The following PSD2 variants were observed in gnomAD, a reference collection of about 807,000 sequenced individuals.
PSD2 encodes the protein pleckstrin and Sec7 domain containing 2, also known as PH and SEC7 domain-containing protein 2.
PSD2 carries 38 observed loss-of-function variants against 69.8 expected under a neutral mutation model. That is an observed-to-expected ratio of 0.54 (90% CI 0.42 to 0.71). The LOEUF (loss-of-function observed/expected upper bound fraction) is 0.71. PSD2 is among the 30% of genes least tolerant of loss of function. PSD2 has a pLI of 0.00. For missense variants in PSD2, 943 were observed against 1,014.5 expected (o/e 0.93, Z 0.96); for synonymous variants, 412 against 423.0 (o/e 0.97, Z 0.32).
chr5:139,839,564 C>G lies in PSD2; in HGVS notation c.1969-463C>G, dbSNP rs115891608. ...TCTCCGCCTGTCTTTGGGTGTGATC[C>G]TGGGTCTGCAACCATTACGTGTATC... On this transcript the variant is annotated intron_variant, in intron 13 of 14. Coordinates refer to ENST00000274710, the MANE Select transcript of PSD2 (RefSeq NM_032289.4). The surrounding 1 kb of genome is among the most constrained non-coding windows in gnomAD (Gnocchi z 5.1). Among the ~76,000 whole-genome samples, 1,627 of 152,330 alleles carry G rather than the reference C, an allele frequency of 0.011. 13 individuals carry two copies. The highest frequency in any genetic ancestry group is 0.017 in the Middle Eastern group (5 of 294).
rs535624464 is a variant in PSD2, at chr5:139,844,445, T to C, written c.*1971T>C. ...AAATTTAAAAAAGATGAGATGAAAATAAATCTAAGTCAAAGTTCTAATAGT... is the reference window on the plus strand; with the variant it reads ...AAATTTAAAAAAGATGAGATGAAAACAAATCTAAGTCAAAGTTCTAATAGT... On this transcript the variant is annotated 3_prime_UTR_variant, in exon 15 of 15. Transcript: ENST00000274710. The C allele has an allele frequency of 6.6e-6, 1 of 152,392 alleles. No individual in the cohort carries two copies. The highest frequency in any genetic ancestry group is 1.9e-4 in the East Asian group (1 of 5,188). The allele number at this position is 152,392 out of a possible 1,614,324, so 9.4% of individuals were successfully genotyped here.
chr5:139,834,483 A>C (rs1348260592), intron 8 of PSD2, among the ~76,000 whole-genome samples: 1 of 147,880 alleles, frequency 6.8e-6, no homozygotes, highest in East Asian at 2.0e-4. Context: ...TTTTTTTTAT[A>C]GAGCTGGGGA....
intron 9 of PSD2, among the ~76,000 whole-genome samples, chr5:139,835,991 T>C (rs1239500754): frequency 1.3e-5 from 2 of 152,254 alleles, no homozygotes; most frequent in Admixed American, 6.5e-5. Flanking sequence ...ACAGAATAGA[T>C]TGAACTGTGA....
chr5:139,822,490 G>T (rs1274470122), intron 6 of PSD2, among the ~76,000 whole-genome samples: 1 of 152,230 alleles, frequency 6.6e-6, no homozygotes, highest in African/African-American at 2.4e-5. Context: ...GCCACAGGAG[G>T]CAGGAGTCTG....
rs750993673 is a variant in PSD2 at position 139,822,001 on chromosome 5, G to A, written c.1206G>A (p.Ser402=). 36 of 1,598,646 alleles carry A rather than the reference G, an allele frequency of 2.3e-5. 1 individual carries two copies. Among genetic ancestry groups the A allele is most frequent in the Middle Eastern group, 1.8e-4 (1 of 5,518 alleles). The change falls in exon 6 of 15, where the codon TCG becomes TCA. Residue 402 remains serine, a synonymous_variant. Coordinates refer to ENST00000274710, the MANE Select transcript of PSD2 (RefSeq NM_032289.4). ...YCQCNPDDST[S]EDGIHTLTCA... Reference sequence around the variant, plus strand: ...AGTGCAACCCTGATGACAGCACTTCGGAAGGTATGGCCCCTTGCCCACTCT... The same window carrying A: ...AGTGCAACCCTGATGACAGCACTTCAGAAGGTATGGCCCCTTGCCCACTCT...
the PSD2 span, among the ~76,000 whole-genome samples, chr5:139,753,830 GTTTGTTTGT>G: frequency 6.9e-6 from 1 of 145,454 alleles, no homozygotes; most frequent in African/African-American, 2.5e-5. Flanking sequence ...TTTTTTTTTT[GTTTGTTTGT>G]TTTGTTTTGT....
At chr5:139,746,223 C>T in the PSD2 span, 1 of 152,232 alleles carries the variant, frequency 6.6e-6, no homozygotes, top group Non-Finnish European at 1.5e-5. The surrounding 1 kb of genome is among the most constrained non-coding windows in gnomAD (Gnocchi z 4.5). Flanking sequence ...GAGCCTTCCC[C>T]CACCCCCAGC....
chr5:139,768,240 C>T, the PSD2 span, among the ~76,000 whole-genome samples: 1 of 152,150 alleles, frequency 6.6e-6, no homozygotes, highest in East Asian at 1.9e-4. Context: ...TAGGACAGGC[C>T]CCAGCTGGGA....
At position 139,813,778 on chromosome 5, in the gene PSD2, G is replaced by T; in HGVS notation, c.821+20G>T. Reference sequence around the variant, plus strand: ...AGCCAGGTGAGGCAGGGCCCAGGCTGGGAGAACCACCGAGCAGATGGGGAA... The same window carrying T: ...AGCCAGGTGAGGCAGGGCCCAGGCTTGGAGAACCACCGAGCAGATGGGGAA... On this transcript the variant is annotated intron_variant, in intron 3 of 14. Transcript: ENST00000274710. 1.3e-6 allele frequency: 2 copies of T among 1,577,908 alleles called. No individual in the cohort carries two copies. The highest frequency in any genetic ancestry group is 1.2e-5 in the South Asian group (1 of 85,844).
intron 2 of PSD2, among the ~76,000 whole-genome samples, chr5:139,810,508 C>T (rs987670413): frequency 3.3e-5 from 5 of 152,102 alleles, no homozygotes; most frequent in Admixed American, 6.6e-5. Flanking sequence ...TGTGAGTGTG[C>T]GTGGGGGCAT....
chr5:139,773,240 C>G, the PSD2 span, among the ~76,000 whole-genome samples: 3 of 152,060 alleles, frequency 2.0e-5, no homozygotes, highest in East Asian at 5.8e-4. Flanking sequence ...CAACCACCTA[C>G]CTTCCTTTCT....
At chr5:139,792,428 C>A (rs2126914128), upstream of PSD2, among the ~76,000 whole-genome samples, 1 of 152,274 alleles carries the variant, frequency 6.6e-6, no homozygotes, top group East Asian at 1.9e-4. Context: ...AGCTGGCCCC[C>A]CCTCCCCCCA....
In PSD2 at chr5:139,813,482, C is replaced by T; in HGVS notation, c.545C>T (p.Pro182Leu). The change falls in exon 3 of 15, where the codon CCC becomes CTC. Residue 182 changes from proline to leucine, a missense_variant. Around this residue, in one of 3 missense-constraint regions of PSD2, gnomAD observed 466 missense variants for 445.0 expected, o/e 1.05. Coordinates refer to ENST00000274710, the MANE Select transcript of PSD2 (RefSeq NM_032289.4). ...GTCAGCTTCGAGGCCCCCCTCACAC[C>T]CCTCATCCAGCAGCGGGCCCGTGAC... ...SCVSFEAPLTPLIQQRARDSP... is the reference protein window; with the variant it reads ...SCVSFEAPLTLLIQQRARDSP... The T allele has an allele frequency of 6.2e-7, 1 of 1,613,800 alleles. No individual in the cohort carries two copies. The highest frequency in any genetic ancestry group is 8.5e-7 in the Non-Finnish European group (1 of 1,179,776).
chr5:139,762,965 G>A, the PSD2 span, among the ~76,000 whole-genome samples: 1 of 152,210 alleles, frequency 6.6e-6, no homozygotes, highest in East Asian at 1.9e-4. Context: ...CATAAATGAA[G>A]GGAGGGAATT....
intron 1 of PSD2, among the ~76,000 whole-genome samples, chr5:139,800,443 G>A (rs937635465): frequency 6.6e-6 from 1 of 152,184 alleles, no homozygotes; most frequent in African/African-American, 2.4e-5. Context: ...GTGTGTGTGT[G>A]TAGAGATGGG....
At chr5:139,752,156 C>T in the PSD2 span, among the ~76,000 whole-genome samples, 1 of 151,948 alleles carries the variant, frequency 6.6e-6, no homozygotes, top group African/African-American at 2.4e-5. Context: ...CACTGCCAAG[C>T]CCCTCACACT....
chr5:139,781,765 C>G, the PSD2 span, among the ~76,000 whole-genome samples: 2 of 151,938 alleles, frequency 1.3e-5, no homozygotes, highest in African/African-American at 4.8e-5. Context: ...TCCTGAGTAA[C>G]TGGGATTACA....
Position 139,813,729 on chromosome 5 carries a change from G to T in PSD2, c.792G>T (p.Glu264Asp). The change falls in exon 3 of 15, where the codon GAG (glutamate) becomes GAT (aspartate). Residue 264 changes from glutamate (E) to aspartate (D), a missense_variant. Physicochemically the swap from Glu to Asp is conservative, Grantham distance 45. Coordinates refer to ENST00000274710, the MANE Select transcript of PSD2 (RefSeq NM_032289.4). Reference protein sequence around the residue: ...GPGGDEDDDEEDTDKLLNSAS... With the variant: ...GPGGDEDDDEDDTDKLLNSAS... ...GGGGGGATGAGGATGATGATGAGGA[G>T]GACACGGACAAGTTGCTGAACTCAG... 1 of 1,608,228 alleles carries T rather than the reference G, an allele frequency of 6.2e-7. No individual in the cohort carries two copies. Among genetic ancestry groups the T allele is most frequent in the Admixed American group, 1.7e-5 (1 of 59,808 alleles).
intron 7 of PSD2, among the ~76,000 whole-genome samples, chr5:139,827,176 A>C (rs1487255367): frequency 1.3e-5 from 2 of 152,202 alleles, no homozygotes; most frequent in African/African-American, 4.8e-5. Context: ...CATTGCTGAT[A>C]CATAATGGGA....
Sources: allele counts gnomAD v4.1 joint callset (sites outside exome capture counted in the v4.1 genomes callset), GRCh38; gene constraint gnomAD v4.1.1; regional missense constraint gnomAD v4.1.1; non-coding constraint Gnocchi (gnomAD v3.1); transcripts MANE v1.5; gene names NCBI Gene and HGNC (gene_info 2026-07-23, HGNC 2026-07-21).